The following TRAPPC9 variants were observed in gnomAD, a reference collection of about 807,000 sequenced individuals.
TRAPPC9 encodes the protein trafficking protein particle complex subunit 9.
TRAPPC9 carries 83 observed loss-of-function variants against 124.0 expected under a neutral mutation model. The observed-to-expected ratio is 0.67, with a 90% CI of 0.56 to 0.80. The LOEUF (loss-of-function observed/expected upper bound fraction) is 0.80, where lower values mean the gene tolerates loss of function less well. Ranked by LOEUF, TRAPPC9 falls within the 30% of genes least tolerant of loss-of-function variation. The pLI, the probability that TRAPPC9 is intolerant of heterozygous loss-of-function variation, is 0.00. For missense variants in TRAPPC9, 1,302 were observed against 1,508.3 expected, an observed-to-expected ratio of 0.86 and a Z score of 2.27; for synonymous variants, 638 against 617.5, an observed-to-expected ratio of 1.03 and a Z score of -0.49.
chr8:139,832,529 C>G (rs1418383493), intron 21 of TRAPPC9, among the ~76,000 whole-genome samples: 3 of 152,184 alleles, frequency 2.0e-5, no homozygotes, highest in Non-Finnish European at 4.4e-5. Context: ...GCAGGAGGAC[C>G]ATGCCATTTC....
intron 21 of TRAPPC9, among the ~76,000 whole-genome samples, chr8:139,828,101 G>A (rs889985524): frequency 1.4e-5 from 2 of 142,240 alleles, no homozygotes; most frequent in Non-Finnish European, 3.1e-5. Context: ...AGACTTGGAG[G>A]GGACACACAC....
chr8:140,405,647 C>A lies in TRAPPC9; in HGVS notation c.938G>T (p.Arg313Leu), dbSNP rs757159552. 3 of 1,614,018 alleles carry A rather than the reference C, an allele frequency of 1.9e-6. No homozygotes were observed. Among genetic ancestry groups the A allele is most frequent in the South Asian group, 1.1e-5 (1 of 91,084 alleles). ...INPDTSTEIG[R>L]AKNCLSPEDI... The stretch of plus-strand genomic sequence containing the variant: ...TTCAGGGCTAAGGCAGTTCTTAGCA[C>A]GTCCGATCTCAGTACTGGTGTCAGG... The change falls in exon 6 of 23, where the codon CGT becomes CTT. Residue 313 changes from arginine (R) to leucine (L), a missense_variant. Coordinates refer to ENST00000438773, the MANE Select transcript of TRAPPC9 (RefSeq NM_001160372.4).
At chr8:139,972,606 C>A (rs565399274) in intron 19 of TRAPPC9, among the ~76,000 whole-genome samples, 1 of 152,150 alleles carries the variant, frequency 6.6e-6, no homozygotes, top group Non-Finnish European at 1.5e-5. Context: ...ACACAAGACA[C>A]GACCTGGGCC....
At chr8:140,439,330 C>A (rs1207644081) in intron 2 of TRAPPC9, 133 bp from the exon 3 acceptor site, 6 of 985,332 alleles carry the variant, frequency 6.1e-6, no homozygotes, top group Non-Finnish European at 1.5e-6. Context: ...AATTTTAAGT[C>A]AGCAATAATC....
At chr8:139,731,876 G>A (rs544608759) in intron 22 of TRAPPC9, 103 bp downstream of exon 22, 16 of 1,079,194 alleles carry the variant, frequency 1.5e-5, no homozygotes, top group South Asian at 6.8e-5. Flanking sequence ...TGCTGCTATC[G>A]TCTGCTGGAC....
chr8:139,843,741 A>G (rs1586968651), intron 21 of TRAPPC9, among the ~76,000 whole-genome samples: 1 of 152,322 alleles, frequency 6.6e-6, no homozygotes, highest in East Asian at 1.9e-4. Flanking sequence ...AGAAAAGGCA[A>G]GGAATGGATC....
At chr8:140,324,521 G>C (rs142651968) in intron 9 of TRAPPC9, among the ~76,000 whole-genome samples, 1 of 152,158 alleles carries the variant, frequency 6.6e-6, no homozygotes, top group South Asian at 2.1e-4. Context: ...CTGTAATCCC[G>C]GCACTTTGGG....
At chr8:139,966,040 T>C (rs1017640987) in intron 19 of TRAPPC9, among the ~76,000 whole-genome samples, 18 of 152,330 alleles carry the variant, frequency 1.2e-4, no homozygotes, top group Admixed American at 1.2e-3. Flanking sequence ...TAACTACGAC[T>C]ACTACTTTCA....
At chr8:140,149,151 T>A (rs981392173) in intron 17 of TRAPPC9, among the ~76,000 whole-genome samples, 1 of 152,046 alleles carries the variant, frequency 6.6e-6, no homozygotes, top group Non-Finnish European at 1.5e-5. Flanking sequence ...CCTGCAGGCA[T>A]CCGAGATGTC....
chr8:140,322,931 C>T (rs1445359289), intron 9 of TRAPPC9, among the ~76,000 whole-genome samples: 1 of 152,216 alleles, frequency 6.6e-6, no homozygotes, highest in Non-Finnish European at 1.5e-5. Context: ...GCCTGGCATA[C>T]AACTCCTTAA....
rs34718647 is a variant in TRAPPC9, at chr8:139,987,545, C to CAGAG, written c.2810+1177_2810+1180dup. 5.7e-3 allele frequency among the ~76,000 whole-genome samples: 862 copies of CAGAG among 150,410 alleles called. 11 individuals are homozygous for CAGAG. Among genetic ancestry groups the CAGAG allele is most frequent in the African/African-American group, 0.018 (718 of 40,910 alleles). The stretch of plus-strand genomic sequence containing the variant: ...ATTTCCTTAAAACAAATGAAAGAGG[C>CAGAG]AGAGAGAGAGAGAGAGAGAGAGAAA... On this transcript the variant is annotated intron_variant, in intron 19 of 22. Coordinates refer to ENST00000438773, the MANE Select transcript of TRAPPC9 (RefSeq NM_001160372.4).
At chr8:140,319,172 C>CTTTTT (rs35283714) in intron 9 of TRAPPC9, among the ~76,000 whole-genome samples, 3 of 118,518 alleles carry the variant, frequency 2.5e-5, no homozygotes, top group Admixed American at 9.8e-5. Flanking sequence ...TTATTTTGAA[C>CTTTTT]TTTTTTTTTT....
At chr8:139,894,921 A>AG (rs1830568186) in intron 20 of TRAPPC9, among the ~76,000 whole-genome samples, 1 of 152,196 alleles carries the variant, frequency 6.6e-6, no homozygotes, top group Admixed American at 6.5e-5. Flanking sequence ...GGAAGGGGGA[A>AG]GGGAAGACAC....
intron 19 of TRAPPC9, among the ~76,000 whole-genome samples, chr8:139,935,448 TGA>T (rs1391206208): frequency 6.6e-6 from 1 of 152,112 alleles, no homozygotes; most frequent in Non-Finnish European, 1.5e-5. Context: ...AGGAATTCAA[TGA>T]GAGAGAATGG....
At chr8:139,804,159 CCAA>C (rs1823789524) in intron 21 of TRAPPC9, among the ~76,000 whole-genome samples, 2 of 128,516 alleles carry the variant, frequency 1.6e-5, no homozygotes, top group African/African-American at 2.7e-5. Flanking sequence ...ACCACCACCA[CCAA>C]GCACCACCAC....
intron 17 of TRAPPC9, among the ~76,000 whole-genome samples, chr8:140,193,668 A>G (rs1350724457): frequency 6.8e-6 from 1 of 148,052 alleles, no homozygotes; most frequent in Non-Finnish European, 1.5e-5. Context: ...AATTGTGCCT[A>G]CTGCTAGAAA....
chr8:140,172,221 A>G (rs1341701096), intron 17 of TRAPPC9, among the ~76,000 whole-genome samples: 3 of 152,166 alleles, frequency 2.0e-5, no homozygotes, highest in Non-Finnish European at 2.9e-5. Context: ...GAAACAGAGC[A>G]CTCTGAGCAC....
chr8:140,081,346 C>CATTTTTTTTTTTTTTT (rs35254769), intron 17 of TRAPPC9, among the ~76,000 whole-genome samples: 4 of 141,050 alleles, frequency 2.8e-5, no homozygotes, highest in Admixed American at 7.3e-5. Context: ...AAAATGAATG[C>CATTTTTTTTTTTTTTT]TTTTTTTTTT....
intron 19 of TRAPPC9, among the ~76,000 whole-genome samples, chr8:139,926,764 A>G (rs1052005569): frequency 3.3e-5 from 5 of 152,184 alleles, no homozygotes; most frequent in African/African-American, 1.2e-4. Flanking sequence ...GGAGAACAGT[A>G]GAATGGAGGT....
Sources: allele counts gnomAD v4.1 joint callset (sites outside exome capture counted in the v4.1 genomes callset), GRCh38; gene constraint gnomAD v4.1.1; transcripts MANE v1.5; gene names NCBI Gene and HGNC (gene_info 2026-07-23, HGNC 2026-07-21).